SPTBN1: variants seen among roughly 807,000 people sequenced by gnomAD.
SPTBN1 encodes spectrin beta chain, non-erythrocytic 1.
In SPTBN1, 32 loss-of-function variants were observed where a neutral mutation model predicts 266.4. The observed-to-expected ratio is 0.12, with a 90% CI of 0.09 to 0.16. The LOEUF is 0.16. SPTBN1 is among the 10% of genes least tolerant of loss of function. SPTBN1 has a pLI of 1.00. For synonymous variants in SPTBN1, 1,336 were observed against 1,162.2 expected (o/e 1.15, Z -3.04); for missense variants, 2,296 against 3,067.1 (o/e 0.75, Z 5.94).
intron 2 of SPTBN1, among the ~76,000 whole-genome samples, chr2:54,536,550 A>G (rs1219916531): frequency 6.6e-6 from 1 of 152,244 alleles, no homozygotes; most frequent in Admixed American, 6.5e-5. Flanking sequence ...GATCATATTC[A>G]ATAGCAGTCC....
At chr2:54,644,189 C>G (rs970265944) in intron 19 of SPTBN1, 134 bp from the exon 20 acceptor site, 22 of 1,138,476 alleles carry the variant, frequency 1.9e-5, no homozygotes, top group Non-Finnish European at 2.6e-5. Flanking sequence ...TGAGCAGTAA[C>G]TTCATGTGGA....
At chr2:54,603,925 A>G (rs1011533046) in intron 3 of SPTBN1, among the ~76,000 whole-genome samples, 5 of 152,224 alleles carry the variant, frequency 3.3e-5, no homozygotes, top group Admixed American at 3.3e-4. Flanking sequence ...ATTGGCAGAC[A>G]CTGTAGACTT....
chr2:54,569,976 C>A (rs74884762), intron 2 of SPTBN1, among the ~76,000 whole-genome samples: 30,776 of 148,230 alleles, frequency 0.21, 3,315 homozygotes, highest in Middle Eastern at 0.25. Flanking sequence ...ACCATTCCCC[C>A]CCCCCTTTAG....
intron 2 of SPTBN1, among the ~76,000 whole-genome samples, chr2:54,547,847 T>C (rs765570167): frequency 2.6e-5 from 4 of 152,182 alleles, no homozygotes; most frequent in Non-Finnish European, 5.9e-5. Context: ...TCACCTGTCA[T>C]TAAAATTCTA....
chr2:54,532,268 G>A (rs919436003), intron 2 of SPTBN1, among the ~76,000 whole-genome samples: 3 of 152,134 alleles, frequency 2.0e-5, no homozygotes, highest in Non-Finnish European at 2.9e-5. Context: ...CAGCCCGGGC[G>A]ACAGTATGAG....
chr2:54,637,601 G>A, intron 17 of SPTBN1, 112 bp from the exon 18 acceptor site: 1 of 843,212 alleles, frequency 1.2e-6, no homozygotes, highest in Non-Finnish European at 1.8e-6. Flanking sequence ...AGAACTGCAA[G>A]CAAACTCTTT....
At chr2:54,463,598 G>A (rs934489037) in intron 1 of SPTBN1, among the ~76,000 whole-genome samples, 1 of 152,232 alleles carries the variant, frequency 6.6e-6, no homozygotes, top group Non-Finnish European at 1.5e-5. Context: ...GTCGTAATGA[G>A]AGTATCTACC....
At chr2:54,561,596 G>A (rs929651472) in intron 2 of SPTBN1, among the ~76,000 whole-genome samples, 1 of 151,836 alleles carries the variant, frequency 6.6e-6, no homozygotes, top group South Asian at 2.1e-4. Context: ...ATGAGATTTG[G>A]AGTTCTGGCT....
chr2:54,572,694 A>G (rs994353231), intron 2 of SPTBN1, among the ~76,000 whole-genome samples: 1 of 152,224 alleles, frequency 6.6e-6, no homozygotes, highest in Non-Finnish European at 1.5e-5. Context: ...ATATGATTTC[A>G]ATTTGGAGGT....
chr2:54,659,374 C>T, intron 31 of SPTBN1, 108 bp downstream of exon 31: 1 of 1,048,804 alleles, frequency 9.5e-7, no homozygotes, highest in Non-Finnish European at 1.5e-6. Flanking sequence ...ACATGCCCTG[C>T]CTACTGATTG....
intron 7 of SPTBN1, among the ~76,000 whole-genome samples, chr2:54,620,073 G>A (rs1677894586): frequency 6.6e-6 from 1 of 152,194 alleles, no homozygotes; most frequent in Non-Finnish European, 1.5e-5. Flanking sequence ...TCAAAGACTT[G>A]CCATTTTAAG....
chr2:54,532,940 A>G (rs949629188), intron 2 of SPTBN1, among the ~76,000 whole-genome samples: 5 of 152,188 alleles, frequency 3.3e-5, no homozygotes, highest in African/African-American at 1.2e-4. Flanking sequence ...CATTCTTAAC[A>G]TAGACCTTAT....
rs1482525713 is a variant in SPTBN1, at chr2:54,661,574, T to C, written c.6420+1575T>C. On this transcript the variant is annotated intron_variant, in intron 32 of 35. Coordinates refer to ENST00000356805, the MANE Select transcript of SPTBN1 (RefSeq NM_003128.3). ...CAAGCTTCTTATGTTCTGGGGGTAGTATGCATCATTATTGGGTCTCTGCCT... is the reference window on the plus strand; with the variant it reads ...CAAGCTTCTTATGTTCTGGGGGTAGCATGCATCATTATTGGGTCTCTGCCT... 4 of 985,782 alleles carry C rather than the reference T, an allele frequency of 4.1e-6. No homozygotes were observed. In the East Asian group the frequency reaches 4.5e-4, roughly 112 times the overall value. The allele number at this position is 985,782 out of a possible 1,614,324, so 61.1% of individuals were successfully genotyped here. A position where few individuals can be genotyped will look rare whatever the true frequency, so the allele number is the denominator to read the frequency against.
At chr2:54,486,266 T>G (rs984112986) in intron 1 of SPTBN1, among the ~76,000 whole-genome samples, 2 of 152,088 alleles carry the variant, frequency 1.3e-5, no homozygotes, top group Admixed American at 1.3e-4. Context: ...ATGGCGGTTT[T>G]GTGGAATAGA....
In SPTBN1 at chr2:54,660,130, G is replaced by A. The variant is rs1254471951; in HGVS notation, c.6420+131G>A. 3 of 1,572,150 alleles carry A rather than the reference G, an allele frequency of 1.9e-6. No homozygotes were observed. In the South Asian group the frequency reaches 3.5e-5, roughly 18 times the overall value. On this transcript the variant is annotated intron_variant, in intron 32 of 35. Coordinates refer to ENST00000356805, the MANE Select transcript of SPTBN1 (RefSeq NM_003128.3). ...AAGAATCACCCTTTCCAAATCCTCT[G>A]GGTTTTGACTTTTTGGCTTCCACTT...
rs1679911257 is a variant in SPTBN1, at chr2:54,646,130, T to C, written c.4585-64T>C. 1 of 1,598,294 alleles carries C rather than the reference T, an allele frequency of 6.3e-7. No homozygotes were observed. Among genetic ancestry groups the C allele is most frequent in the African/African-American group, 1.3e-5 (1 of 74,338 alleles). On this transcript the variant is annotated intron_variant, in intron 22 of 35. Transcript: ENST00000356805. This position sits in a 1 kb window ranked among gnomAD's most constrained non-coding sequence, Gnocchi z 4.4. ...GCTATTTCTTTCTGGCCCTAACAGC[T>C]TGACATAAGCAGCAGACGGCTGCCA...
intron 32 of SPTBN1, chr2:54,660,338 A>G: frequency 1.6e-6 from 2 of 1,251,474 alleles, no homozygotes; most frequent in Non-Finnish European, 2.0e-6. Flanking sequence ...CGAAACCCTT[A>G]CATGAGTAAT....
At chr2:54,485,557 G>A in intron 1 of SPTBN1, among the ~76,000 whole-genome samples, 1 of 152,140 alleles carries the variant, frequency 6.6e-6, no homozygotes, top group East Asian at 1.9e-4. Flanking sequence ...CCACCTCCCA[G>A]CCGCCTGCCT....
At chr2:54,537,646 T>G (rs539086527) in intron 2 of SPTBN1, among the ~76,000 whole-genome samples, 1 of 152,202 alleles carries the variant, frequency 6.6e-6, no homozygotes, top group Non-Finnish European at 1.5e-5. Context: ...ATAGCCAATC[T>G]GAAGAAAGGG....
Sources: gnomAD v4.1 joint callset for allele counts (sites outside exome capture counted in the v4.1 genomes callset) on GRCh38, gnomAD v4.1.1 for gene constraint, Gnocchi (gnomAD v3.1) non-coding constraint, MANE v1.5 for transcripts, NCBI Gene and HGNC (gene_info 2026-07-23, HGNC 2026-07-21) for gene names.